FBN2: variants seen among roughly 807,000 people sequenced by gnomAD.
FBN2 encodes the protein fibrillin 2, also known as fibrillin-2.
A neutral mutation model predicts 355.6 loss-of-function variants in FBN2; 105 were observed. That is an observed-to-expected ratio of 0.30 (90% CI 0.25 to 0.35). The LOEUF is 0.35. FBN2 is among the 10% of genes least tolerant of loss of function. The pLI is 1.00. For missense variants in FBN2, 3,280 were observed against 3,758.7 expected (o/e 0.87, Z 3.33); for synonymous variants, 1,350 against 1,301.2 (o/e 1.04, Z -0.81).
chr5:128,356,184 AGGCAGAT>A (rs1751498427), intron 20 of FBN2, among the ~76,000 whole-genome samples: 1 of 145,582 alleles, frequency 6.9e-6, no homozygotes, highest in Non-Finnish European at 1.5e-5. Flanking sequence ...GTAATGCCCC[AGGCAGAT>A]GGCAGTCTAT....
intron 48 of FBN2, among the ~76,000 whole-genome samples, chr5:128,298,912 T>C (rs1749621452): frequency 6.6e-6 from 1 of 152,228 alleles, no homozygotes; most frequent in Non-Finnish European, 1.5e-5. Context: ...GGAGAGGCGC[T>C]CTGCTTTTTA....
intron 61 of FBN2, among the ~76,000 whole-genome samples, chr5:128,273,206 T>C (rs965906500): frequency 1.3e-5 from 2 of 152,352 alleles, no homozygotes; most frequent in African/African-American, 4.8e-5. Context: ...TTTCTTGTCA[T>C]ACACTGCCAC....
intron 7 of FBN2, among the ~76,000 whole-genome samples, chr5:128,436,523 G>T (rs547061154): frequency 1.3e-5 from 2 of 152,054 alleles, no homozygotes; most frequent in Admixed American, 1.3e-4. Flanking sequence ...TTAGTGCAAA[G>T]AACTTTCATT....
intron 4 of FBN2, among the ~76,000 whole-genome samples, chr5:128,525,997 T>C (rs62390664): frequency 0.19 from 29,562 of 152,054 alleles, 3,013 homozygotes; most frequent in Non-Finnish European, 0.24. Context: ...GTCTAAAATA[T>C]ATACTCTCTG....
chr5:128,305,488 G>A (rs1338227334), intron 44 of FBN2, 23 bp downstream of exon 44: 1 of 1,613,756 alleles, frequency 6.2e-7, no homozygotes, highest in Non-Finnish European at 8.5e-7. Flanking sequence ...CAGTGCCAAA[G>A]AATGAGTCAG....
intron 7 of FBN2, chr5:128,446,090 G>A (rs781233514): frequency 2.9e-5 from 5 of 175,096 alleles, no homozygotes; most frequent in Admixed American, 1.7e-4. Context: ...TATATGACAC[G>A]GTGCCAACTA....
intron 15 of FBN2, 98 bp from the exon 16 acceptor site, chr5:128,369,432 A>T: frequency 8.7e-7 from 1 of 1,151,172 alleles, no homozygotes. Context: ...ACTAGACTGG[A>T]AGCTTTTCAA....
intron 7 of FBN2, among the ~76,000 whole-genome samples, chr5:128,421,246 G>C (rs1753343900): frequency 6.6e-6 from 1 of 152,144 alleles, no homozygotes; most frequent in African/African-American, 2.4e-5. Flanking sequence ...AGAGTGATCA[G>C]AACTTCACTT....
intron 27 of FBN2, among the ~76,000 whole-genome samples, chr5:128,336,615 C>G (rs1423462714): frequency 1.3e-5 from 2 of 152,180 alleles, no homozygotes; most frequent in African/African-American, 4.8e-5. Flanking sequence ...GATGGTTCCA[C>G]AAGACAGAGG....
At chr5:128,498,727 GA>G (rs1755722710) in intron 5 of FBN2, among the ~76,000 whole-genome samples, 1 of 152,108 alleles carries the variant, frequency 6.6e-6, no homozygotes, top group South Asian at 2.1e-4. Context: ...ATTCTAAAAA[GA>G]GAAGTATTAT....
At chr5:128,317,182 T>C (rs1195512184) in intron 36 of FBN2, among the ~76,000 whole-genome samples, 3 of 152,098 alleles carry the variant, frequency 2.0e-5, no homozygotes, top group East Asian at 3.9e-4. Context: ...TAATATAACA[T>C]AGCGCTTCTC....
At position 128,309,449 on chromosome 5, in the gene FBN2, T is replaced by TA. The variant is rs1205793283; in HGVS notation, c.5201-51dup. 22 of 1,527,240 alleles carry TA rather than the reference T, an allele frequency of 1.4e-5. No individual in the cohort carries two copies. In the African/African-American group the frequency reaches 2.9e-4, roughly 20 times the overall value. 94.6% of individuals were successfully genotyped at this position (1,527,240 alleles called of 1,614,324 possible). On this transcript the variant is annotated intron_variant, in intron 40 of 64. Transcript: ENST00000262464. ...TAGCCATTTGTATCCACGAGTAGTT[T>TA]ATAATGAAGCCCACACAGCTGTAGA... is the stretch of plus-strand genomic sequence containing the variant.
intron 7 of FBN2, among the ~76,000 whole-genome samples, chr5:128,434,803 GC>G (rs1429752064): frequency 2.0e-5 from 3 of 151,968 alleles, no homozygotes; most frequent in Admixed American, 1.3e-4. Flanking sequence ...TGAAAGGGAG[GC>G]AATATTTCAG....
chr5:128,265,174 C>A (rs1200252680), intron 62 of FBN2, among the ~76,000 whole-genome samples: 1 of 152,118 alleles, frequency 6.6e-6, no homozygotes. Context: ...TGGAATTCTG[C>A]CATAAAGCCT....
intron 5 of FBN2, among the ~76,000 whole-genome samples, chr5:128,499,339 T>C (rs1011661156): frequency 6.6e-6 from 1 of 152,176 alleles, no homozygotes; most frequent in African/African-American, 2.4e-5. Context: ...CCTAGCTAAT[T>C]ATAAAAATGC....
chr5:128,434,298 T>C (rs1175930489), intron 7 of FBN2, among the ~76,000 whole-genome samples: 3 of 150,188 alleles, frequency 2.0e-5, no homozygotes, highest in South Asian at 4.2e-4. Context: ...CCTGCCATAA[T>C]ATACTCCCAA....
chr5:128,324,217 T>C (rs1276161608), intron 34 of FBN2, among the ~76,000 whole-genome samples: 1 of 152,214 alleles, frequency 6.6e-6, no homozygotes, highest in Non-Finnish European at 1.5e-5. Context: ...CTATCTGTTT[T>C]GTTAATCTTT....
At chr5:128,354,531 G>A (rs536538717) in intron 20 of FBN2, among the ~76,000 whole-genome samples, 2 of 152,338 alleles carry the variant, frequency 1.3e-5, no homozygotes, top group South Asian at 2.1e-4. Flanking sequence ...ACTGAGTGTA[G>A]TATGAGGAAA....
At chr5:128,475,356 C>T (rs1754981720) in intron 5 of FBN2, among the ~76,000 whole-genome samples, 1 of 152,082 alleles carries the variant, frequency 6.6e-6, no homozygotes, top group Non-Finnish European at 1.5e-5. Flanking sequence ...AGACTAAAGT[C>T]TCTCTTTAGT....
Sources: gnomAD v4.1 joint callset for allele counts (sites outside exome capture counted in the v4.1 genomes callset) on GRCh38, gnomAD v4.1.1 for gene constraint, MANE v1.5 for transcripts, NCBI Gene and HGNC (gene_info 2026-07-23, HGNC 2026-07-21) for gene names.